Variants in NFKB1 observed in about 807,000 individuals in gnomAD.
NFKB1 encodes nuclear factor kappa B subunit 1.
A neutral mutation model predicts 105.1 loss-of-function variants in NFKB1; 9 were observed. The observed-to-expected ratio is 0.09, with a 90% CI of 0.05 to 0.15. The LOEUF (loss-of-function observed/expected upper bound fraction) is 0.15. NFKB1 is among the 10% of genes least tolerant of loss of function. The pLI is 1.00. For missense variants in NFKB1, 830 were observed against 1,203.7 expected, an observed-to-expected ratio of 0.69 and a Z score of 4.59; for synonymous variants, 440 against 442.2, an observed-to-expected ratio of 1.00 and a Z score of 0.06.
intron 4 of NFKB1, among the ~76,000 whole-genome samples, chr4:102,534,978 T>G (rs1297534098): frequency 6.6e-6 from 1 of 152,136 alleles, no homozygotes; most frequent in Non-Finnish European, 1.5e-5. Context: ...AGGTTGAAAT[T>G]AGATGAAAGT....
intron 11 of NFKB1, among the ~76,000 whole-genome samples, chr4:102,587,817 T>A (rs1725838769): frequency 1.3e-5 from 2 of 152,060 alleles, no homozygotes; most frequent in South Asian, 4.1e-4. Context: ...CTCAAGATAA[T>A]AGGACCAAGG....
At chr4:102,551,367 TGC>T (rs10585671) in intron 5 of NFKB1, among the ~76,000 whole-genome samples, 4 of 150,204 alleles carry the variant, frequency 2.7e-5, no homozygotes, top group South Asian at 4.3e-4. Context: ...TGTGTGTGTG[TGC>T]GCGCGCGCAT....
chr4:102,555,282 T>G (rs1301501018), intron 5 of NFKB1, among the ~76,000 whole-genome samples: 2 of 152,176 alleles, frequency 1.3e-5, no homozygotes, highest in Admixed American at 6.5e-5. Context: ...TGCTCCCTCC[T>G]TTTTCAGTGT....
intron 2 of NFKB1, 29 bp downstream of exon 2, chr4:102,525,586 T>C (rs1740858692): frequency 3.8e-6 from 6 of 1,567,666 alleles, no homozygotes; most frequent in East Asian, 4.5e-5. Flanking sequence ...CTGATAACTT[T>C]ATTTAAATAT....
intron 5 of NFKB1, among the ~76,000 whole-genome samples, chr4:102,549,670 A>G (rs984534032): frequency 1.5e-4 from 23 of 152,158 alleles, no homozygotes; most frequent in Non-Finnish European, 1.2e-4. Context: ...TAGACTTAAC[A>G]TATTCACAAC....
chr4:102,532,782 G>A (rs1038142927), intron 3 of NFKB1, among the ~76,000 whole-genome samples: 2 of 152,154 alleles, frequency 1.3e-5, no homozygotes, highest in Non-Finnish European at 2.9e-5. Flanking sequence ...GGACATACAA[G>A]CATTCTCCTA....
At chr4:102,535,903 T>TG (rs1491366078) in intron 4 of NFKB1, among the ~76,000 whole-genome samples, 2 of 151,454 alleles carry the variant, frequency 1.3e-5, no homozygotes, top group African/African-American at 4.9e-5. Context: ...TTTTGTTTTT[T>TG]TTTTTTAAGT....
intron 5 of NFKB1, among the ~76,000 whole-genome samples, chr4:102,546,165 TTC>T (rs1722126129): frequency 6.6e-6 from 1 of 152,202 alleles, no homozygotes; most frequent in Non-Finnish European, 1.5e-5. Context: ...AAATATTAGC[TTC>T]TTTTTATAAA....
Position 102,576,768 on chromosome 4 carries a change from G to A in NFKB1, c.408-108G>A, listed in dbSNP as rs539585490. 40 of 1,150,548 alleles carry A rather than the reference G, an allele frequency of 3.5e-5. No homozygotes were observed. The African/African-American group carries it at 5.8e-4, about 17-fold the overall frequency. The allele number at this position is 1,150,548 out of a possible 1,614,324, so 71.3% of individuals were successfully genotyped here. On this transcript the variant is annotated intron_variant, in intron 6 of 23. Coordinates refer to ENST00000226574, the MANE Select transcript of NFKB1 (RefSeq NM_003998.4). ...CCCCAAGAGATTTGTATAAAGCATT[G>A]AGGGCCTGTGTATTTTTTTTTAATT...
At chr4:102,506,510 A>G (rs943298055) in intron 1 of NFKB1, among the ~76,000 whole-genome samples, 4 of 152,182 alleles carry the variant, frequency 2.6e-5, no homozygotes, top group Non-Finnish European at 5.9e-5. Context: ...GATTTTTCCA[A>G]CACTATAGAA....
In NFKB1 at chr4:102,533,962, A is replaced by G. The variant is rs1741467080; in HGVS notation, c.159+77A>G. On this transcript the variant is annotated intron_variant, in intron 4 of 23. Coordinates refer to ENST00000226574, the MANE Select transcript of NFKB1 (RefSeq NM_003998.4). ...GAGATCATAAGCACTGAAGAATAGT[A>G]AATGAGTTCTATGAAGGAAGTAGTT... 3.2e-6 allele frequency: 4 copies of G among 1,248,762 alleles called. No individual in the cohort carries two copies. The Admixed American group carries it at 8.6e-5, about 27-fold the overall frequency. 77.4% of individuals were successfully genotyped at this position (1,248,762 alleles called of 1,614,324 possible).
chr4:102,547,004 G>A (rs1283373431), intron 5 of NFKB1, among the ~76,000 whole-genome samples: 2 of 152,070 alleles, frequency 1.3e-5, no homozygotes, highest in African/African-American at 4.8e-5. Context: ...GAGCCTTGCA[G>A]AAAAGCATAA....
At chr4:102,516,596 G>A (rs1011419978) in intron 1 of NFKB1, among the ~76,000 whole-genome samples, 2 of 151,704 alleles carry the variant, frequency 1.3e-5, no homozygotes, top group Non-Finnish European at 2.9e-5. Flanking sequence ...TAAAAGAAAG[G>A]TATGCATTTC....
intron 17 of NFKB1, 60 bp from the exon 18 acceptor site, chr4:102,607,089 CA>C: frequency 1.9e-6 from 3 of 1,551,650 alleles, no homozygotes; most frequent in Non-Finnish European, 1.8e-6. Context: ...TTCAGCTTCA[CA>C]AGGGCCATCT....
chr4:102,511,019 G>C (rs1474305947), intron 1 of NFKB1: 1 of 1,078,282 alleles, frequency 9.3e-7, no homozygotes, highest in East Asian at 5.9e-5. Context: ...GAGGAGGGGT[G>C]GAGTAGGGGA....
At chr4:102,586,380 T>A (rs924781466) in intron 11 of NFKB1, among the ~76,000 whole-genome samples, 2 of 152,066 alleles carry the variant, frequency 1.3e-5, no homozygotes, top group South Asian at 4.1e-4. Flanking sequence ...GAGCTCAGAG[T>A]AAAACATGTT....
chr4:102,534,082 A>C (rs1246941510), intron 4 of NFKB1, among the ~76,000 whole-genome samples, 197 bp downstream of exon 4: 1 of 152,216 alleles, frequency 6.6e-6, no homozygotes, highest in Non-Finnish European at 1.5e-5. Context: ...CCTGAGCCTC[A>C]GTATGTAGTT....
chr4:102,538,810 G>A (rs1741806437), intron 5 of NFKB1, among the ~76,000 whole-genome samples: 1 of 152,080 alleles, frequency 6.6e-6, no homozygotes, highest in African/African-American at 2.4e-5. Context: ...AGTAATTCAA[G>A]GCTTGGACAA....
intron 6 of NFKB1, among the ~76,000 whole-genome samples, chr4:102,573,125 A>G (rs1724522516): frequency 6.6e-6 from 1 of 152,154 alleles, no homozygotes; most frequent in South Asian, 2.1e-4. Flanking sequence ...CCTGACCAAC[A>G]TGGAGAAACC....
Sources: gnomAD v4.1 joint callset for allele counts (sites outside exome capture counted in the v4.1 genomes callset) on GRCh38, gnomAD v4.1.1 for gene constraint, MANE v1.5 for transcripts, NCBI Gene and HGNC (gene_info 2026-07-23, HGNC 2026-07-21) for gene names.